The following SPIN1 variants were observed in gnomAD, a reference collection of about 807,000 sequenced individuals.
The protein encoded by SPIN1 is spindlin-1.
In SPIN1, 3 loss-of-function variants were observed where a neutral mutation model predicts 26.0. The observed-to-expected ratio is 0.12, with a 90% CI of 0.05 to 0.30. The LOEUF is 0.30. SPIN1 is among the 10% of genes least tolerant of loss of function. SPIN1 has a pLI of 1.00. For missense variants in SPIN1, 126 were observed against 333.4 expected, an observed-to-expected ratio of 0.38 and a Z score of 4.84; for synonymous variants, 101 against 116.5, an observed-to-expected ratio of 0.87 and a Z score of 0.86.
At chr9:88,467,989 TCTG>T (rs1564044664) in intron 4 of SPIN1, among the ~76,000 whole-genome samples, 2 of 152,238 alleles carry the variant, frequency 1.3e-5, no homozygotes, top group Non-Finnish European at 2.9e-5. Context: ...TTCCAGTTCT[TCTG>T]TAAGTCTGAA....
At chr9:88,415,991 C>T (rs556636368) in intron 1 of SPIN1, among the ~76,000 whole-genome samples, 128 of 150,756 alleles carry the variant, frequency 8.5e-4, no homozygotes, top group Admixed American at 4.2e-3. Flanking sequence ...CTCCTGACCT[C>T]GTGATCTGCC....
intron 2 of SPIN1, among the ~76,000 whole-genome samples, chr9:88,444,033 C>T (rs1264526863): frequency 2.0e-5 from 3 of 151,956 alleles, no homozygotes; most frequent in Admixed American, 6.6e-5. Context: ...TCTTTATCTC[C>T]GCCTGCCTCT....
At chr9:88,430,157 C>CT (rs1827839368) in intron 2 of SPIN1, among the ~76,000 whole-genome samples, 1 of 152,190 alleles carries the variant, frequency 6.6e-6, no homozygotes, top group Non-Finnish European at 1.5e-5. Context: ...TCTCAGGCAG[C>CT]AAGAAGCCCA....
intron 2 of SPIN1, among the ~76,000 whole-genome samples, chr9:88,430,946 G>T (rs1238843362): frequency 1.3e-5 from 2 of 148,978 alleles, no homozygotes; most frequent in South Asian, 2.1e-4. Context: ...GCAATGGCAC[G>T]ATCTTGGCTT....
intron 1 of SPIN1, chr9:88,410,977 A>C (rs1827430842): frequency 7.3e-7 from 1 of 1,367,328 alleles, no homozygotes; most frequent in Non-Finnish European, 1.0e-6. Flanking sequence ...TCTGAATGAC[A>C]GTCTTATCCA....
In SPIN1 at chr9:88,444,809, G is replaced by C. The variant is rs533547032; in HGVS notation, c.53-4132G>C. 4.0e-4 allele frequency among the ~76,000 whole-genome samples: 61 copies of C among 150,782 alleles called. No homozygotes were observed. In the East Asian group the frequency reaches 0.012, roughly 29 times the overall value. On this transcript the variant is annotated intron_variant, in intron 2 of 5. Coordinates refer to ENST00000375859, the MANE Select transcript of SPIN1 (RefSeq NM_006717.3). ...GGGTTCACACCATTCTCCTGCCTCA[G>C]CCTCCCGAGTAGCTGGGACTACAGG... is the stretch of plus-strand genomic sequence containing the variant.
At chr9:88,435,887 T>A (rs1165228716) in intron 2 of SPIN1, among the ~76,000 whole-genome samples, 1 of 152,176 alleles carries the variant, frequency 6.6e-6, no homozygotes, top group African/African-American at 2.4e-5. Flanking sequence ...GTTTCTCAGA[T>A]CCTATGTGTT....
intron 1 of SPIN1, among the ~76,000 whole-genome samples, chr9:88,404,391 A>G (rs1827251788): frequency 6.6e-6 from 1 of 152,202 alleles, no homozygotes; most frequent in African/African-American, 2.4e-5. Context: ...CTTGGCTGCT[A>G]CAGTCAGACA....
intron 1 of SPIN1, among the ~76,000 whole-genome samples, chr9:88,394,090 C>T (rs1214774505): frequency 6.6e-6 from 1 of 152,098 alleles, no homozygotes; most frequent in Non-Finnish European, 1.5e-5. Flanking sequence ...CTCAAGTGAT[C>T]CTCTCACCTC....
intron 5 of SPIN1, among the ~76,000 whole-genome samples, chr9:88,470,363 CTA>C (rs1282903795): frequency 2.0e-5 from 3 of 152,068 alleles, no homozygotes; most frequent in South Asian, 2.1e-4. Context: ...AATGGTAACT[CTA>C]TGTTTAATCG....
At chr9:88,424,704 G>T (rs576707724) in intron 1 of SPIN1, among the ~76,000 whole-genome samples, 2 of 152,170 alleles carry the variant, frequency 1.3e-5, no homozygotes, top group East Asian at 3.8e-4. Flanking sequence ...TTGAAATAAA[G>T]GTTTTGGGAT....
chr9:88,392,620 TTTCC>T (rs562738823), intron 1 of SPIN1, among the ~76,000 whole-genome samples: 46 of 152,038 alleles, frequency 3.0e-4, no homozygotes, highest in South Asian at 2.3e-3. Context: ...TCCTTCCTTC[TTTCC>T]TTCCTTCCTT....
intron 1 of SPIN1, among the ~76,000 whole-genome samples, chr9:88,409,349 T>G (rs1758305707): frequency 6.6e-6 from 1 of 152,108 alleles, no homozygotes; most frequent in African/African-American, 2.4e-5. Context: ...TTTTGTCTCC[T>G]TGTTGGCTCT....
chr9:88,410,638 G>C lies in SPIN1; in HGVS notation c.-158-15744G>C. ...TTGGCCTCCACCACCATAGGGGCCA[G>C]AGCTTCTGCCTCCAAAGTTTCCTTC... On this transcript the variant is annotated intron_variant, in intron 1 of 5. Transcript: ENST00000375859. 2.7e-6 allele frequency: 3 copies of C among 1,112,326 alleles called. No individual in the cohort carries two copies. In the Admixed American group the frequency reaches 5.1e-5, roughly 19 times the overall value. The allele number at this position is 1,112,326 out of a possible 1,614,324, so 68.9% of individuals were successfully genotyped here.
In SPIN1 at chr9:88,478,626, T is replaced by C. The variant is rs1828927647; in HGVS notation, c.*3349T>C. On this transcript the variant is annotated 3_prime_UTR_variant, in exon 6 of 6. Transcript: ENST00000375859. ...AATATAAATCTGTTAATTCTGTAAG[T>C]AATTTTTATAATTATGATGTAACTC... 1.3e-5 allele frequency: 2 copies of C among 152,218 alleles called. No individual in the cohort carries two copies. Among genetic ancestry groups the C allele is most frequent in the Non-Finnish European group, 2.9e-5 (2 of 68,032 alleles). 9.4% of individuals were successfully genotyped at this position (152,218 alleles called of 1,614,324 possible).
At chr9:88,457,927 A>G in intron 3 of SPIN1, 1 of 985,358 alleles carries the variant, frequency 1.0e-6, no homozygotes, top group Non-Finnish European at 1.2e-6. Flanking sequence ...ATTTGTAACA[A>G]AAGTCTACAT....
chr9:88,412,723 C>A (rs1207409482), intron 1 of SPIN1, among the ~76,000 whole-genome samples: 1 of 151,924 alleles, frequency 6.6e-6, no homozygotes. Context: ...CACTCAGTCA[C>A]CCAGGCTAGA....
intron 4 of SPIN1, among the ~76,000 whole-genome samples, chr9:88,467,286 C>G (rs1027281969): frequency 6.6e-6 from 1 of 152,114 alleles, no homozygotes; most frequent in Non-Finnish European, 1.5e-5. Flanking sequence ...TTAAATCATA[C>G]AAATACTGAC....
rs752892588 is a variant in SPIN1 at position 88,468,586 on chromosome 9, T to C, written c.570T>C (p.Leu190=). The C allele has an allele frequency of 9.0e-6, 14 of 1,563,450 alleles. No homozygotes were observed. The Admixed American group carries it at 2.6e-4, about 29-fold the overall frequency. The change falls in exon 5 of 6, where the codon CTT becomes CTC. Residue 190 remains leucine (L), a synonymous_variant. Transcript: ENST00000375859. Reference sequence around the variant, plus strand: ...TAGATGATTACAAAGAAGGCGACCTTCGCATTATGCCTGATTCCAGTAAGT... The same window carrying C: ...TAGATGATTACAAAGAAGGCGACCTCCGCATTATGCCTGATTCCAGTAAGT... ...QLLDDYKEGD[L]RIMPDSNDSP...
Sources: allele counts gnomAD v4.1 joint callset (sites outside exome capture counted in the v4.1 genomes callset), GRCh38; gene constraint gnomAD v4.1.1; transcripts MANE v1.5; gene names NCBI Gene and HGNC (gene_info 2026-07-23, HGNC 2026-07-21).